The following HYCC1 variants were observed in gnomAD, a reference collection of about 807,000 sequenced individuals.
The protein encoded by HYCC1 is hyccin PI4KA lipid kinase complex subunit 1, also known as hyccin.
the HYCC1 span, among the ~76,000 whole-genome samples, chr7:22,997,151 C>A: frequency 6.6e-6 from 1 of 151,922 alleles, no homozygotes; most frequent in African/African-American, 2.4e-5. Flanking sequence ...TCTTCAATTC[C>A]CACATTATGT....
At chr7:22,928,941 C>A in the HYCC1 span, among the ~76,000 whole-genome samples, 1 of 151,978 alleles carries the variant, frequency 6.6e-6, no homozygotes, top group South Asian at 2.1e-4. Flanking sequence ...CTTCAAACTA[C>A]ACTACAAGGC....
the HYCC1 span, among the ~76,000 whole-genome samples, chr7:22,924,027 C>A: frequency 0.63 from 91,532 of 145,544 alleles, 29,026 homozygotes; most frequent in Non-Finnish European, 0.66. Context: ...CAAAAAAACC[C>A]AAATTAGCCA....
chr7:22,905,809 T>C, the HYCC1 span, among the ~76,000 whole-genome samples: 1 of 152,212 alleles, frequency 6.6e-6, no homozygotes, highest in Non-Finnish European at 1.5e-5. Flanking sequence ...GAGGATTTCT[T>C]TAACACAATT....
At chr7:22,976,814 G>GA in the HYCC1 span, 1 of 1,554,610 alleles carries the variant, frequency 6.4e-7, no homozygotes, top group South Asian at 1.1e-5. Context: ...GAAGGCTAGA[G>GA]AAAAGACATT....
chr7:22,948,143 G>T, the HYCC1 span, among the ~76,000 whole-genome samples: 1 of 151,952 alleles, frequency 6.6e-6, no homozygotes, highest in African/African-American at 2.4e-5. Context: ...CATGTAAATG[G>T]GGAAAAGTAA....
the HYCC1 span, among the ~76,000 whole-genome samples, chr7:22,970,053 C>T: frequency 6.6e-6 from 1 of 152,154 alleles, no homozygotes; most frequent in East Asian, 1.9e-4. Flanking sequence ...GATGGTCACT[C>T]ATCTTTTAAA....
the HYCC1 span, among the ~76,000 whole-genome samples, chr7:22,910,513 T>G: frequency 1.3e-5 from 2 of 152,236 alleles, no homozygotes; most frequent in African/African-American, 4.8e-5. Context: ...CAAAACAGAC[T>G]AATACATACC....
the HYCC1 span, among the ~76,000 whole-genome samples, chr7:22,997,867 T>C: frequency 4.6e-4 from 70 of 152,348 alleles, 1 homozygote; most frequent in African/African-American, 1.5e-3. Flanking sequence ...GTTTTTACTC[T>C]ATAAAATGGT....
the HYCC1 span, among the ~76,000 whole-genome samples, chr7:23,002,323 A>C: frequency 2.0e-5 from 3 of 151,874 alleles, no homozygotes; most frequent in African/African-American, 7.3e-5. Flanking sequence ...TGTTGACTAT[A>C]ACACAAGTAA....
At chr7:22,976,104 T>G in the HYCC1 span, 22 of 782,662 alleles carry the variant, frequency 2.8e-5, 1 homozygote, top group South Asian at 3.1e-4. Context: ...TTATTTAATG[T>G]TTTAAACAAA....
At chr7:22,899,207 C>G in the HYCC1 span, among the ~76,000 whole-genome samples, 1 of 152,038 alleles carries the variant, frequency 6.6e-6, no homozygotes, top group Non-Finnish European at 1.5e-5. Context: ...TGAAACAGTC[C>G]TGCACAATCA....
the HYCC1 span, chr7:22,978,212 C>G: frequency 6.7e-7 from 1 of 1,486,852 alleles, no homozygotes; most frequent in Non-Finnish European, 9.4e-7. Flanking sequence ...AGCAGTTGCA[C>G]AGGTTATATA....
chr7:22,953,402 TC>T, the HYCC1 span, among the ~76,000 whole-genome samples: 1 of 151,844 alleles, frequency 6.6e-6, no homozygotes, highest in Non-Finnish European at 1.5e-5. Flanking sequence ...TTTATGTAAG[TC>T]CCCCTTAGTA....
At chr7:22,905,785 T>A in the HYCC1 span, among the ~76,000 whole-genome samples, 3 of 152,200 alleles carry the variant, frequency 2.0e-5, no homozygotes, top group Non-Finnish European at 4.4e-5. Flanking sequence ...AAAAATGAAA[T>A]ATATTAAGTT....
the HYCC1 span, chr7:22,960,365 A>G: frequency 1.2e-6 from 2 of 1,613,410 alleles, no homozygotes; most frequent in Non-Finnish European, 1.7e-6. Context: ...TACCTTCCTT[A>G]TTAGATTTCA....
chr7:22,961,174 T>G, the HYCC1 span: 2 of 1,012,586 alleles, frequency 2.0e-6, no homozygotes, highest in South Asian at 1.3e-5. Flanking sequence ...GCTCTCAATT[T>G]ATAGTTCTAA....
At chr7:22,984,054 AT>A in the HYCC1 span, 1 of 1,469,594 alleles carries the variant, frequency 6.8e-7, no homozygotes, top group Non-Finnish European at 9.5e-7. Flanking sequence ...GTCTAAACAA[AT>A]TTAAAAAAAT....
the HYCC1 span, among the ~76,000 whole-genome samples, chr7:22,918,734 C>T: frequency 6.6e-6 from 1 of 152,046 alleles, no homozygotes; most frequent in Non-Finnish European, 1.5e-5. Flanking sequence ...GACCCCCCAC[C>T]CCTGCCCGCA....
chr7:22,998,311 T>G, the HYCC1 span, among the ~76,000 whole-genome samples: 1 of 152,322 alleles, frequency 6.6e-6, no homozygotes, highest in East Asian at 1.9e-4. Context: ...GAGCCAGCAT[T>G]CAAATAGCCT....
Sources: gnomAD v4.1 joint callset for allele counts (sites outside exome capture counted in the v4.1 genomes callset) on GRCh38, gnomAD v4.1.1 for gene constraint, MANE v1.5 for transcripts, NCBI Gene and HGNC (gene_info 2026-07-23, HGNC 2026-07-21) for gene names.